COP1: variants seen among roughly 807,000 people sequenced by gnomAD.
The protein encoded by COP1 is E3 ubiquitin-protein ligase COP1.
A neutral mutation model predicts 101.3 loss-of-function variants in COP1; 24 were observed. The observed-to-expected ratio is 0.24, with a 90% CI of 0.17 to 0.33. The LOEUF (loss-of-function observed/expected upper bound fraction) is 0.33, where lower values mean the gene tolerates loss of function less well. Ranked by LOEUF, COP1 falls within the 10% of genes least tolerant of loss-of-function variation. The pLI, the probability that COP1 is intolerant of heterozygous loss-of-function variation, is 1.00. For synonymous variants in COP1, 347 were observed against 341.9 expected (o/e 1.01, Z -0.17); for missense variants, 663 against 906.2 (o/e 0.73, Z 3.45).
intron 9 of COP1, among the ~76,000 whole-genome samples, chr1:176,111,245 A>G (rs1386004384): frequency 6.6e-6 from 1 of 152,200 alleles, no homozygotes; most frequent in East Asian, 1.9e-4. Context: ...ACTGTCTATG[A>G]AAAGTAACTG....
chr1:176,076,003 C>CAAAAAAAAAA (rs60998287), intron 11 of COP1, among the ~76,000 whole-genome samples: 1 of 96,534 alleles, frequency 1.0e-5, no homozygotes, highest in African/African-American at 4.4e-5. Flanking sequence ...AACTCCATCT[C>CAAAAAAAAAA]AAAAAAAAAA....
rs763471827 is a variant in COP1, at chr1:175,989,311, T to G, written c.1847+51A>C. The G allele has an allele frequency of 6.8e-6, 6 of 880,956 alleles. No individual in the cohort carries two copies. In the East Asian group the frequency reaches 1.2e-4, roughly 18 times the overall value. 54.6% of individuals were successfully genotyped at this position (880,956 alleles called of 1,614,324 possible). ...CTCAGTGACATTACAAGCTGGTAGG[T>G]AAGTACAGAGCTCTGTATTAAGCTC... On this transcript the variant is annotated intron_variant, in intron 16 of 19. Transcript: ENST00000367669.
chr1:176,159,759 A>C (rs542722103), intron 5 of COP1, among the ~76,000 whole-genome samples: 4 of 152,320 alleles, frequency 2.6e-5, no homozygotes, highest in Admixed American at 2.6e-4. Flanking sequence ...ATATGGTTGT[A>C]GATACTAACA....
At chr1:175,952,211 C>G (rs1399398384) in intron 18 of COP1, among the ~76,000 whole-genome samples, 2 of 152,082 alleles carry the variant, frequency 1.3e-5, no homozygotes, top group African/African-American at 4.8e-5. Context: ...CGCCTGAGGT[C>G]AGGAGTTTGA....
chr1:175,964,434 C>T (rs1651755750), intron 18 of COP1, among the ~76,000 whole-genome samples: 1 of 149,162 alleles, frequency 6.7e-6, no homozygotes, highest in Admixed American at 6.7e-5. Context: ...GGAAAAAAAG[C>T]CCAGAAGATG....
At chr1:176,068,075 A>C (rs1676330307) in intron 11 of COP1, among the ~76,000 whole-genome samples, 1 of 152,250 alleles carries the variant, frequency 6.6e-6, no homozygotes. Flanking sequence ...ATGTGCGGGT[A>C]CAGGAGGTAT....
At chr1:176,107,593 A>G (rs1684531062) in intron 9 of COP1, among the ~76,000 whole-genome samples, 1 of 152,190 alleles carries the variant, frequency 6.6e-6, no homozygotes, top group Admixed American at 6.5e-5. Flanking sequence ...ACTAACTAAT[A>G]AATGTGGAAG....
At chr1:176,170,375 T>A (rs2101850177) in intron 3 of COP1, among the ~76,000 whole-genome samples, 1 of 152,306 alleles carries the variant, frequency 6.6e-6, no homozygotes, top group Non-Finnish European at 1.5e-5. Flanking sequence ...GTTTCTTCAA[T>A]AATAAGACCT....
At chr1:176,116,132 C>T (rs1268646602) in intron 9 of COP1, among the ~76,000 whole-genome samples, 1 of 152,120 alleles carries the variant, frequency 6.6e-6, no homozygotes, top group Non-Finnish European at 1.5e-5. Context: ...AATCCTACCA[C>T]TGTGGGAGGG....
At chr1:176,076,065 T>C (rs1222168505) in intron 11 of COP1, among the ~76,000 whole-genome samples, 6 of 143,490 alleles carry the variant, frequency 4.2e-5, no homozygotes, top group African/African-American at 7.9e-5. Context: ...ATTAGACAGA[T>C]CATGGAGGCA....
chr1:176,172,075 T>A (rs754527584), intron 3 of COP1, among the ~76,000 whole-genome samples: 10 of 152,112 alleles, frequency 6.6e-5, no homozygotes, highest in Non-Finnish European at 1.3e-4. Context: ...TGAGACAGAG[T>A]CTCTGCTTTG....
At chr1:176,180,304 T>A (rs1475771613) in intron 2 of COP1, among the ~76,000 whole-genome samples, 1 of 152,228 alleles carries the variant, frequency 6.6e-6, no homozygotes, top group African/African-American at 2.4e-5. Flanking sequence ...TTCTGGATCA[T>A]ATAAAACAAA....
At chr1:176,045,877 C>T (rs763509448) in intron 12 of COP1, among the ~76,000 whole-genome samples, 5 of 151,424 alleles carry the variant, frequency 3.3e-5, no homozygotes, top group Admixed American at 2.6e-4. Context: ...TACATTAATC[C>T]TCATTCAGTA....
At chr1:176,206,442 C>T in intron 1 of COP1, 130 bp downstream of exon 1, 4 of 1,076,152 alleles carry the variant, frequency 3.7e-6, no homozygotes, top group Non-Finnish European at 5.3e-6. Context: ...ATTCCCTCTG[C>T]AGACACCACC....
chr1:176,037,754 T>G (rs1413963375), intron 14 of COP1, among the ~76,000 whole-genome samples: 2 of 152,080 alleles, frequency 1.3e-5, no homozygotes, highest in East Asian at 3.9e-4. Flanking sequence ...TGATAAAAAT[T>G]CTCAGCAAAC....
In COP1 at chr1:176,115,937, G is replaced by A. The variant is rs146149995; in HGVS notation, c.1026+687C>T. On this transcript the variant is annotated intron_variant, in intron 9 of 19. Coordinates refer to ENST00000367669, the MANE Select transcript of COP1 (RefSeq NM_022457.7). ...TCAAGACTGTGGTCTTTATTCCATG[G>A]AAAAGCTGTTAAGTTTCAACGTAAT... 9.2e-3 allele frequency among the ~76,000 whole-genome samples: 1,405 copies of A among 152,172 alleles called. 21 individuals are homozygous for A. Among genetic ancestry groups the A allele is most frequent in the African/African-American group, 0.032 (1,335 of 41,518 alleles).
At chr1:176,099,837 A>G (rs1218307468) in intron 9 of COP1, among the ~76,000 whole-genome samples, 2 of 152,182 alleles carry the variant, frequency 1.3e-5, no homozygotes, top group Non-Finnish European at 2.9e-5. Context: ...ACAGGCCCAG[A>G]GCTCCAAGTT....
At chr1:176,026,618 C>T (rs1326156133) in intron 15 of COP1, among the ~76,000 whole-genome samples, 8 of 152,190 alleles carry the variant, frequency 5.3e-5, no homozygotes, top group African/African-American at 1.7e-4. Context: ...TAGTCCATGT[C>T]CTCCTTAAAC....
intron 10 of COP1, among the ~76,000 whole-genome samples, chr1:176,083,541 T>C (rs1381031077): frequency 1.3e-5 from 2 of 152,222 alleles, no homozygotes; most frequent in African/African-American, 4.8e-5. Flanking sequence ...TGCTGGTATA[T>C]CACCTCTCCT....
Sources: allele counts gnomAD v4.1 joint callset (sites outside exome capture counted in the v4.1 genomes callset), GRCh38; gene constraint gnomAD v4.1.1; transcripts MANE v1.5; gene names NCBI Gene and HGNC (gene_info 2026-07-23, HGNC 2026-07-21).